Variants in LPGAT1 observed in about 807,000 individuals in gnomAD.
The protein encoded by LPGAT1 is acyl-CoA:lysophosphatidylglycerol acyltransferase 1.
A neutral mutation model predicts 47.5 loss-of-function variants in LPGAT1; 11 were observed. That is an observed-to-expected ratio of 0.23 (90% CI 0.15 to 0.38). The LOEUF is 0.38. LPGAT1 is among the 10% of genes least tolerant of loss of function. LPGAT1 has a pLI of 1.00. For synonymous variants in LPGAT1, 138 were observed against 144.2 expected (o/e 0.96, Z 0.31); for missense variants, 293 against 439.0 (o/e 0.67, Z 2.97).
At chr1:211,750,440 T>C (rs1230780912) in intron 7 of LPGAT1, among the ~76,000 whole-genome samples, 1 of 152,228 alleles carries the variant, frequency 6.6e-6, no homozygotes, top group Non-Finnish European at 1.5e-5. Flanking sequence ...GAATATAATC[T>C]GCATGAGAGC....
At chr1:211,800,780 G>A (rs1659545306) in intron 2 of LPGAT1, among the ~76,000 whole-genome samples, 1 of 152,184 alleles carries the variant, frequency 6.6e-6, no homozygotes, top group Non-Finnish European at 1.5e-5. Context: ...TAAAATCAGG[G>A]TGAGGTTAAA....
chr1:211,824,999 C>T (rs142568263), intron 2 of LPGAT1, among the ~76,000 whole-genome samples: 2,281 of 152,112 alleles, frequency 0.015, 25 homozygotes, highest in Non-Finnish European at 0.024. Context: ...TAAAGCCCCC[C>T]CCAAATAATG....
Position 211,749,906 on chromosome 1 carries a change from A to G in LPGAT1, c.1106T>C (p.Leu369Pro), listed in dbSNP as rs755236960. 6.2e-7 allele frequency: 1 copy of G among 1,613,970 alleles called. No homozygotes were observed. Among genetic ancestry groups the G allele is most frequent in the Non-Finnish European group, 8.5e-7 (1 of 1,179,948 alleles). Residue 369 changes from leucine to proline, a missense_variant, in exon 8 of 8, where the codon CTG becomes CCG. By Grantham distance (98) the Leu-to-Pro change is moderately conservative (BLOSUM62 -3). Transcript: ENST00000366997. Reference protein sequence around the residue: ...YNIIQYFYHCLF With the variant: ...YNIIQYFYHCPF The stretch of plus-strand genomic sequence containing the variant: ...ACAAGTCCACGTCAATTCCTAAAAC[A>G]GGCAATGGTAAAAATACTGAATGAT...
intron 2 of LPGAT1, among the ~76,000 whole-genome samples, chr1:211,827,469 A>G: frequency 6.6e-6 from 1 of 152,258 alleles, no homozygotes; most frequent in East Asian, 1.9e-4. Flanking sequence ...GCTAACAATT[A>G]AATACACTAT....
chr1:211,816,438 C>G (rs1422227240), intron 2 of LPGAT1, among the ~76,000 whole-genome samples: 1 of 152,130 alleles, frequency 6.6e-6, no homozygotes, highest in African/African-American at 2.4e-5. Flanking sequence ...CTTTGAAGCA[C>G]TGCAAAATTT....
intron 6 of LPGAT1, among the ~76,000 whole-genome samples, chr1:211,761,445 A>C (rs532090359): frequency 6.6e-6 from 1 of 152,272 alleles, no homozygotes; most frequent in African/African-American, 2.4e-5. Flanking sequence ...AAGAGGGATT[A>C]CAAGAAAAAA....
intron 4 of LPGAT1, among the ~76,000 whole-genome samples, chr1:211,787,188 C>T (rs768557455): frequency 3.2e-4 from 49 of 152,104 alleles, no homozygotes; most frequent in Non-Finnish European, 5.4e-4. Flanking sequence ...ACAAAGATTC[C>T]GAGAAAGAGC....
chr1:211,752,619 G>A (rs7518833), intron 6 of LPGAT1, among the ~76,000 whole-genome samples: 51,031 of 150,760 alleles, frequency 0.34, 10,117 homozygotes, highest in East Asian at 0.72. Context: ...TTACACCTTC[G>A]GTGGGGAATG....
At position 211,830,192 on chromosome 1, in the gene LPGAT1, C is replaced by A. The variant is rs1338370872; in HGVS notation, c.-28+381G>T. Reference sequence around the variant, plus strand: ...CGCGCGCCGGGCTCACCTCGGCGGGCGCGGACGGCGGGCGGCTGCGGAGAG... The same window carrying A: ...CGCGCGCCGGGCTCACCTCGGCGGGAGCGGACGGCGGGCGGCTGCGGAGAG... On this transcript the variant is annotated intron_variant, in intron 1 of 7. Transcript: ENST00000366997. This position sits in a 1 kb window ranked among gnomAD's most constrained non-coding sequence, Gnocchi z 5.9. 18 of 983,034 alleles carry A rather than the reference C, an allele frequency of 1.8e-5. 1 individual carries two copies. The highest frequency in any genetic ancestry group is 1.2e-6 in the Non-Finnish European group (1 of 829,298). 60.9% of individuals were successfully genotyped at this position (983,034 alleles called of 1,614,324 possible). A position where few individuals can be genotyped will look rare whatever the true frequency, so the allele number is the denominator to read the frequency against.
chr1:211,765,311 C>T (rs73086179), intron 6 of LPGAT1, among the ~76,000 whole-genome samples: 2,705 of 152,270 alleles, frequency 0.018, 87 homozygotes, highest in African/African-American at 0.061. Flanking sequence ...CTATCCATAT[C>T]TATTTTTTCT....
intron 6 of LPGAT1, among the ~76,000 whole-genome samples, chr1:211,762,937 A>G (rs1657759950): frequency 6.6e-6 from 1 of 152,210 alleles, no homozygotes; most frequent in African/African-American, 2.4e-5. Context: ...GTAAGGAACT[A>G]AGCACCGAAG....
At chr1:211,757,082 C>A (rs369216944) in intron 6 of LPGAT1, among the ~76,000 whole-genome samples, 2 of 151,830 alleles carry the variant, frequency 1.3e-5, no homozygotes, top group African/African-American at 4.8e-5. Flanking sequence ...CATGGTGAAA[C>A]CTCGTCTCTA....
intron 2 of LPGAT1, among the ~76,000 whole-genome samples, chr1:211,827,535 G>A (rs1660575927): frequency 1.3e-5 from 2 of 152,032 alleles, no homozygotes; most frequent in South Asian, 2.1e-4. Context: ...CTTCTAGAAC[G>A]GGTTTCTGAA....
Position 211,795,638 on chromosome 1 carries a change from A to C in LPGAT1, c.239-2448T>G, listed in dbSNP as rs570164646. Among the ~76,000 whole-genome samples the C allele has an allele frequency of 2.2e-4, 33 of 152,304 alleles. 1 individual carries two copies. The Middle Eastern group carries it at 0.01, about 47-fold the overall frequency. Reference sequence around the variant, plus strand: ...CACCTCGGCCTCCCAACGTGCTGAGACTACAGGCCTGAGCCACCGCGCCCA... The same window carrying C: ...CACCTCGGCCTCCCAACGTGCTGAGCCTACAGGCCTGAGCCACCGCGCCCA... On this transcript the variant is annotated intron_variant, in intron 2 of 7. Transcript: ENST00000366997.
In LPGAT1 at chr1:211,782,142, A is replaced by G. The variant is rs1203764826; in HGVS notation, c.727+1087T>C. ...TATGTTTGTCCACCCTATTAACATAAGAGCACAAACGTTTTTCCAAGCCAA... is the reference window on the plus strand; with the variant it reads ...TATGTTTGTCCACCCTATTAACATAGGAGCACAAACGTTTTTCCAAGCCAA... On this transcript the variant is annotated intron_variant, in intron 5 of 7. Transcript: ENST00000366997. 2.0e-5 allele frequency among the ~76,000 whole-genome samples: 3 copies of G among 152,214 alleles called. No individual in the cohort carries two copies. In the East Asian group the frequency reaches 5.8e-4, roughly 29 times the overall value.
intron 2 of LPGAT1, 83 bp downstream of exon 2, chr1:211,828,976 C>A: frequency 5.7e-6 from 8 of 1,407,536 alleles, no homozygotes; most frequent in Non-Finnish European, 7.8e-6. Context: ...AAAGCATCCT[C>A]AACCCAAAGT....
intron 6 of LPGAT1, among the ~76,000 whole-genome samples, chr1:211,766,420 G>A (rs182097886): frequency 4.6e-5 from 7 of 152,228 alleles, no homozygotes; most frequent in Admixed American, 6.5e-5. Flanking sequence ...ATTGTAAGTC[G>A]AAAATGCATT....
At chr1:211,817,960 G>A (rs919142940) in intron 2 of LPGAT1, among the ~76,000 whole-genome samples, 21 of 151,974 alleles carry the variant, frequency 1.4e-4, no homozygotes, top group Admixed American at 2.6e-4. Context: ...TCAGCCTCCC[G>A]AGTAGCTAGG....
At chr1:211,783,208 A>C in intron 5 of LPGAT1, 21 bp downstream of exon 5, 7 of 1,574,210 alleles carry the variant, frequency 4.4e-6, no homozygotes, top group Non-Finnish European at 5.2e-6. Flanking sequence ...ACAAGGTAAA[A>C]AATGCTAAAA....
Sources: gnomAD v4.1 joint callset for allele counts (sites outside exome capture counted in the v4.1 genomes callset) on GRCh38, gnomAD v4.1.1 for gene constraint, Gnocchi (gnomAD v3.1) non-coding constraint, MANE v1.5 for transcripts, NCBI Gene and HGNC (gene_info 2026-07-23, HGNC 2026-07-21) for gene names.